Variants in GOLM2 observed in about 807,000 individuals in gnomAD.
GOLM2 encodes golgi membrane protein 2, also known as protein GOLM2.
A neutral mutation model predicts 55.9 loss-of-function variants in GOLM2; 26 were observed. The ratio of observed to expected loss-of-function variants is 0.47; its 90% CI spans 0.34 to 0.65. GOLM2 has a LOEUF of 0.65. Ranked by LOEUF, GOLM2 falls within the 30% of genes least tolerant of loss-of-function variation. GOLM2 has a pLI of 0.01. For missense variants in GOLM2, 486 were observed against 531.8 expected, an observed-to-expected ratio of 0.91 and a Z score of 0.85; for synonymous variants, 165 against 194.6, an observed-to-expected ratio of 0.85 and a Z score of 1.27.
chr15:44,372,983 A>G (rs1232905244), intron 6 of GOLM2, among the ~76,000 whole-genome samples: 1 of 152,160 alleles, frequency 6.6e-6, no homozygotes. Flanking sequence ...ACTATCTAAA[A>G]TAGAGCCTCC....
chr15:44,329,935 G>A (rs922316980), intron 3 of GOLM2, among the ~76,000 whole-genome samples: 5 of 141,222 alleles, frequency 3.5e-5, no homozygotes, highest in East Asian at 2.1e-4. Flanking sequence ...AGTCTCTCAC[G>A]TCTCTCGCTC....
At chr15:44,338,555 C>CT (rs1452328718) in intron 6 of GOLM2, among the ~76,000 whole-genome samples, 1 of 152,012 alleles carries the variant, frequency 6.6e-6, no homozygotes, top group African/African-American at 2.4e-5. Context: ...ATATTTGAAT[C>CT]TTTTCTTTGC....
rs369382900 is a variant in GOLM2, at chr15:44,345,332, G to C, written c.802+7015G>C. 1.2e-4 allele frequency among the ~76,000 whole-genome samples: 18 copies of C among 151,288 alleles called. No individual in the cohort carries two copies. The East Asian group carries it at 3.3e-3, about 28-fold the overall frequency. On this transcript the variant is annotated intron_variant, in intron 6 of 9. Transcript: ENST00000299957. ...GTGTCGCCCAGGCTGGAGTGCAGTG[G>C]CACGATCTCGGCTCACGGCAAGCTC...
At chr15:44,307,803 G>A (rs554073723) in intron 1 of GOLM2, 2 of 152,268 alleles carry the variant, frequency 1.3e-5, no homozygotes, top group South Asian at 4.1e-4. Context: ...AGGAAGTCAA[G>A]AGCGAAATAA....
At chr15:44,401,618 TAAGTCTTA>T (rs2079565814) in intron 8 of GOLM2, among the ~76,000 whole-genome samples, 1 of 152,190 alleles carries the variant, frequency 6.6e-6, no homozygotes, top group African/African-American at 2.4e-5. Flanking sequence ...GTTAAATTTC[TAAGTCTTA>T]AAGTCTTGCA....
intron 8 of GOLM2, chr15:44,381,973 A>G (rs1217034367): frequency 6.6e-6 from 1 of 151,922 alleles, no homozygotes; most frequent in Admixed American, 6.6e-5. Flanking sequence ...ATTTTTGTTG[A>G]TCTTGTAACA....
intron 8 of GOLM2, among the ~76,000 whole-genome samples, chr15:44,397,505 A>G (rs1403588774): frequency 6.9e-6 from 1 of 145,548 alleles, no homozygotes; most frequent in Non-Finnish European, 1.5e-5. Context: ...AAAAAAAACA[A>G]AACCACACAC....
intron 8 of GOLM2, among the ~76,000 whole-genome samples, chr15:44,390,639 C>T (rs1379903810): frequency 6.6e-6 from 1 of 151,466 alleles, no homozygotes; most frequent in Non-Finnish European, 1.5e-5. Flanking sequence ...GATCTCGGCT[C>T]ACCCACCGCA....
intron 8 of GOLM2, among the ~76,000 whole-genome samples, chr15:44,390,870 C>A (rs2079483216): frequency 6.6e-6 from 1 of 152,020 alleles, no homozygotes; most frequent in Admixed American, 6.6e-5. Flanking sequence ...TGCTCAGCCC[C>A]CTTTTCTAAG....
intron 1 of GOLM2, among the ~76,000 whole-genome samples, chr15:44,319,037 C>T (rs1321443701): frequency 1.3e-5 from 2 of 152,146 alleles, no homozygotes; most frequent in Non-Finnish European, 2.9e-5. Flanking sequence ...TCTCCAGAAG[C>T]CTTCTCTCAC....
At chr15:44,359,181 T>A (rs1318689376) in intron 6 of GOLM2, among the ~76,000 whole-genome samples, 1 of 150,532 alleles carries the variant, frequency 6.6e-6, no homozygotes, top group African/African-American at 2.4e-5. Context: ...AGAAAAAGAT[T>A]TAGAAACTTC....
chr15:44,385,697 C>T (rs891377304), intron 8 of GOLM2, among the ~76,000 whole-genome samples: 1 of 152,102 alleles, frequency 6.6e-6, no homozygotes, highest in Non-Finnish European at 1.5e-5. Context: ...CAGGCATACC[C>T]TACCATGTCT....
intron 1 of GOLM2, among the ~76,000 whole-genome samples, chr15:44,313,579 C>G (rs1055336600): frequency 1.3e-5 from 2 of 152,192 alleles, no homozygotes; most frequent in African/African-American, 4.8e-5. Context: ...AAATCTGTAT[C>G]CTTTATCCAG....
chr15:44,344,293 A>G (rs992283018), intron 6 of GOLM2, among the ~76,000 whole-genome samples: 17 of 149,364 alleles, frequency 1.1e-4, no homozygotes, highest in African/African-American at 3.9e-4. Context: ...GTGTGTATAT[A>G]TATATATATA....
intron 1 of GOLM2, among the ~76,000 whole-genome samples, chr15:44,304,070 G>A (rs981330534): frequency 2.0e-5 from 3 of 151,350 alleles, no homozygotes; most frequent in African/African-American, 7.3e-5. Flanking sequence ...ATGTGGTCTT[G>A]CTATGTTCCC....
At chr15:44,351,576 CAA>C (rs1175016633) in intron 6 of GOLM2, among the ~76,000 whole-genome samples, 8 of 45,900 alleles carry the variant, frequency 1.7e-4, no homozygotes, top group African/African-American at 6.6e-4. Context: ...GACTCTGTCT[CAA>C]AAAAAAAAAA....
At chr15:44,380,756 A>G (rs2079395906) in intron 7 of GOLM2, 50 bp from the exon 8 acceptor site, 1 of 1,279,056 alleles carries the variant, frequency 7.8e-7, no homozygotes, top group African/African-American at 1.6e-5. Flanking sequence ...TTCATCTTTA[A>G]AAGATTAAAT....
At chr15:44,334,153 C>T (rs572351623) in intron 4 of GOLM2, among the ~76,000 whole-genome samples, 1 of 151,986 alleles carries the variant, frequency 6.6e-6, no homozygotes, top group South Asian at 2.1e-4. Context: ...TCTTCCTTGC[C>T]ATTATCCTAC....
At chr15:44,304,433 G>A (rs1286633469) in intron 1 of GOLM2, among the ~76,000 whole-genome samples, 1 of 151,118 alleles carries the variant, frequency 6.6e-6, no homozygotes, top group African/African-American at 2.4e-5. Flanking sequence ...GTAGAGACAG[G>A]GTTTCACCAG....
Sources: gnomAD v4.1 joint callset for allele counts (sites outside exome capture counted in the v4.1 genomes callset) on GRCh38, gnomAD v4.1.1 for gene constraint, MANE v1.5 for transcripts, NCBI Gene and HGNC (gene_info 2026-07-23, HGNC 2026-07-21) for gene names.